Variants in SGPP2 observed in about 807,000 individuals in gnomAD.
SGPP2 encodes sphingosine-1-phosphate phosphatase 2.
Under a neutral mutation model 33.9 loss-of-function variants are expected in SGPP2, and 30 were observed. The ratio of observed to expected loss-of-function variants is 0.89; its 90% CI spans 0.66 to 1.20. The LOEUF (loss-of-function observed/expected upper bound fraction) is 1.20, where lower values mean the gene tolerates loss of function less well. Ranked by LOEUF, SGPP2 falls within the 50% of genes most tolerant of loss-of-function variation. The pLI is 0.00. For synonymous variants in SGPP2, 233 were observed against 225.0 expected (o/e 1.04, Z -0.32); for missense variants, 458 against 532.1 (o/e 0.86, Z 1.37).
rs770415356 is a variant in SGPP2 at position 222,558,548 on chromosome 2, G to A, written c.850G>A (p.Gly284Arg). ...GGACACCACCACCATTCTGGCTGCC[G>A]GGGCTGGAGTGACCATAGGATTCTG... is the stretch of plus-strand genomic sequence containing the variant. ...RADTTTILAA[G>R]AGVTIGFWIN... is the part of the protein sequence containing the mutation. Residue 284 changes from glycine to arginine, a missense_variant, in exon 5 of 5, where the codon GGG becomes AGG. Coordinates refer to ENST00000321276, the MANE Select transcript of SGPP2 (RefSeq NM_152386.4). The A allele has an allele frequency of 2.4e-5, 39 of 1,614,028 alleles. No homozygotes were observed. The Admixed American group carries it at 5.3e-4, about 22-fold the overall frequency.
At chr2:222,552,063 T>TTAC (rs1316182022) in intron 4 of SGPP2, among the ~76,000 whole-genome samples, 1 of 152,170 alleles carries the variant, frequency 6.6e-6, no homozygotes, top group African/African-American at 2.4e-5. Flanking sequence ...TATGGCTGAG[T>TTAC]AGTATTCCAT....
intron 1 of SGPP2, among the ~76,000 whole-genome samples, chr2:222,441,202 G>C (rs1009250419): frequency 2.0e-5 from 3 of 152,226 alleles, no homozygotes; most frequent in African/African-American, 7.2e-5. Flanking sequence ...TCATGGTTCA[G>C]TGGCTTCTTT....
At chr2:222,525,136 T>C (rs1184861001) in intron 4 of SGPP2, 103 bp downstream of exon 4, 12 of 762,598 alleles carry the variant, frequency 1.6e-5, no homozygotes, top group Non-Finnish European at 2.3e-5. Flanking sequence ...TATTTGCATA[T>C]GTAATTATAT....
intron 1 of SGPP2, among the ~76,000 whole-genome samples, chr2:222,435,069 C>G (rs11688313): frequency 2.7e-4 from 10 of 37,212 alleles, no homozygotes; most frequent in Non-Finnish European, 5.5e-4. Flanking sequence ...TACACATATA[C>G]ATATATATAT....
At chr2:222,487,056 T>C (rs138551981) in intron 2 of SGPP2, among the ~76,000 whole-genome samples, 2 of 152,340 alleles carry the variant, frequency 1.3e-5, no homozygotes, top group African/African-American at 4.8e-5. Flanking sequence ...GTGCTTAGGA[T>C]AAGTGGTTTG....
chr2:222,473,620 C>G (rs1308958493), intron 1 of SGPP2, among the ~76,000 whole-genome samples: 1 of 152,096 alleles, frequency 6.6e-6, no homozygotes, highest in Non-Finnish European at 1.5e-5. Context: ...AGGGTGACTA[C>G]AGTTAAGAAT....
At chr2:222,510,582 A>G (rs1030530544) in intron 2 of SGPP2, among the ~76,000 whole-genome samples, 1 of 152,154 alleles carries the variant, frequency 6.6e-6, no homozygotes, top group African/African-American at 2.4e-5. Context: ...GGGGGCTATG[A>G]GTGTAGCCAA....
At chr2:222,514,833 C>G (rs1698580493) in intron 2 of SGPP2, among the ~76,000 whole-genome samples, 1 of 152,144 alleles carries the variant, frequency 6.6e-6, no homozygotes, top group Non-Finnish European at 1.5e-5. Flanking sequence ...ACCAGAATGT[C>G]CCCCAGGAGA....
intron 2 of SGPP2, among the ~76,000 whole-genome samples, chr2:222,517,480 A>G (rs908797539): frequency 1.3e-5 from 2 of 152,094 alleles, no homozygotes; most frequent in Non-Finnish European, 2.9e-5. Flanking sequence ...CCAACTCCCC[A>G]TCCATTCCAC....
chr2:222,507,485 G>C (rs35115486), intron 2 of SGPP2, among the ~76,000 whole-genome samples: 4,332 of 152,216 alleles, frequency 0.028, 159 homozygotes, highest in African/African-American at 0.086. Flanking sequence ...TAAAGCTAAA[G>C]GTTTTGATCT....
intron 4 of SGPP2, among the ~76,000 whole-genome samples, chr2:222,548,007 T>G (rs541340915): frequency 1.3e-5 from 2 of 152,366 alleles, no homozygotes; most frequent in South Asian, 4.1e-4. Context: ...CTGGGTTATA[T>G]ACAAAACTAG....
intron 2 of SGPP2, among the ~76,000 whole-genome samples, chr2:222,491,153 G>T (rs566890702): frequency 3.1e-4 from 47 of 149,992 alleles, no homozygotes; most frequent in African/African-American, 9.5e-4. Flanking sequence ...ATTTTTTTTT[G>T]AAACAGAGTC....
chr2:222,509,254 TG>T (rs1464571911), intron 2 of SGPP2, among the ~76,000 whole-genome samples: 1 of 152,202 alleles, frequency 6.6e-6, no homozygotes, highest in Non-Finnish European at 1.5e-5. Context: ...GGTGAATGTT[TG>T]GGGTGATGGG....
At chr2:222,490,256 A>G (rs989617046) in intron 2 of SGPP2, among the ~76,000 whole-genome samples, 1 of 152,190 alleles carries the variant, frequency 6.6e-6, no homozygotes, top group Non-Finnish European at 1.5e-5. Context: ...ACCCTGGTTC[A>G]GGAAATATAC....
In SGPP2 at chr2:222,558,714, G is replaced by C. The variant is rs201625866; in HGVS notation, c.1016G>C (p.Arg339Pro). 1.2e-6 allele frequency: 2 copies of C among 1,613,988 alleles called. No homozygotes were observed. The highest frequency in any genetic ancestry group is 1.7e-5 in the Admixed American group (1 of 59,996). The change falls in exon 5 of 5, where the codon CGT becomes CCT. Residue 339 changes from arginine (R) to proline (P), a missense_variant. Transcript: ENST00000321276. ...AVGIVLILLV[R>P]QLVQNLSLQV... ...GGAATTGTGTTGATCCTCTTGGTTC[G>C]TCAGCTTGTACAAAATCTCTCACTG...
At chr2:222,473,210 T>C (rs1315789470) in intron 1 of SGPP2, among the ~76,000 whole-genome samples, 1 of 152,280 alleles carries the variant, frequency 6.6e-6, no homozygotes, top group African/African-American at 2.4e-5. Flanking sequence ...TATTCTCTTA[T>C]AGGTCAGAAG....
intron 1 of SGPP2, among the ~76,000 whole-genome samples, chr2:222,443,041 G>A (rs541776928): frequency 3.9e-5 from 6 of 152,238 alleles, no homozygotes; most frequent in African/African-American, 1.4e-4. Context: ...AAATACCCAC[G>A]CTTGAAAATG....
At chr2:222,431,628 C>A (rs546994313) in intron 1 of SGPP2, among the ~76,000 whole-genome samples, 2 of 152,246 alleles carry the variant, frequency 1.3e-5, no homozygotes, top group African/African-American at 4.8e-5. Flanking sequence ...GAGCAAGCAA[C>A]TTCAGCCTAA....
rs973442303 is a variant in SGPP2, at chr2:222,465,840, GT to G, written c.220-8726del. On this transcript the variant is annotated intron_variant, in intron 1 of 4. Coordinates refer to ENST00000321276, the MANE Select transcript of SGPP2 (RefSeq NM_152386.4). The surrounding 1 kb of genome is among the most constrained non-coding windows in gnomAD (Gnocchi z 4.1). ...TCCTGCTTGGGGCCTTTCACTAAGT[GT>G]TCTCTCTCTGACCCGCAGACCCTCA... 6.6e-6 allele frequency among the ~76,000 whole-genome samples: 1 copy of G among 152,060 alleles called. No individual in the cohort carries two copies. The highest frequency in any genetic ancestry group is 1.5e-5 in the Non-Finnish European group (1 of 68,028).
Sources: allele counts gnomAD v4.1 joint callset (sites outside exome capture counted in the v4.1 genomes callset), GRCh38; gene constraint gnomAD v4.1.1; non-coding constraint Gnocchi (gnomAD v3.1); transcripts MANE v1.5; gene names NCBI Gene and HGNC (gene_info 2026-07-23, HGNC 2026-07-21).